Variants in CSMD2 observed in about 807,000 individuals in gnomAD.
CSMD2 encodes the protein CUB and Sushi multiple domains 2.
CSMD2 carries 130 observed loss-of-function variants against 398.5 expected under a neutral mutation model. The observed-to-expected ratio is 0.33, with a 90% CI of 0.28 to 0.38. The LOEUF (loss-of-function observed/expected upper bound fraction) is 0.38. Ranked by LOEUF, CSMD2 falls within the 10% of genes least tolerant of loss-of-function variation. CSMD2 has a pLI of 1.00. For synonymous variants in CSMD2, 1,828 were observed against 1,908.5 expected (o/e 0.96, Z 1.10); for missense variants, 3,829 against 4,764.9 (o/e 0.80, Z 5.78).
intron 65 of CSMD2, among the ~76,000 whole-genome samples, chr1:33,525,708 G>A (rs954484112): frequency 6.6e-6 from 1 of 152,198 alleles, no homozygotes; most frequent in East Asian, 1.9e-4. Flanking sequence ...CGTTGAGATG[G>A]AGTTTTGCTA....
intron 19 of CSMD2, among the ~76,000 whole-genome samples, chr1:33,721,076 G>A (rs1216598250): frequency 6.6e-6 from 1 of 152,116 alleles, no homozygotes; most frequent in Non-Finnish European, 1.5e-5. Flanking sequence ...GAAGTGATCT[G>A]GTCATTCATC....
chr1:33,959,374 C>T (rs773085530), intron 3 of CSMD2, among the ~76,000 whole-genome samples: 4 of 152,124 alleles, frequency 2.6e-5, no homozygotes, highest in Non-Finnish European at 4.4e-5. Context: ...AAGTCAGAAA[C>T]GAGTTTTTGC....
chr1:33,524,423 A>G (rs901198132), intron 66 of CSMD2, among the ~76,000 whole-genome samples: 7 of 152,204 alleles, frequency 4.6e-5, no homozygotes, highest in Non-Finnish European at 7.3e-5. Flanking sequence ...GAATGGTACC[A>G]TTTTAGAATT....
chr1:33,645,342 TATACACAC>T (rs1331675089), intron 29 of CSMD2, among the ~76,000 whole-genome samples: 52 of 104,304 alleles, frequency 5.0e-4, no homozygotes, highest in African/African-American at 1.7e-3. Context: ...TATGGAGCAT[TATACACAC>T]ACACACACAC....
chr1:33,928,600 A>C (rs916652926), intron 4 of CSMD2, among the ~76,000 whole-genome samples: 3 of 152,234 alleles, frequency 2.0e-5, no homozygotes, highest in African/African-American at 7.2e-5. Flanking sequence ...AGTGGGTGTA[A>C]GTGGCAAGGC....
chr1:34,098,007 C>A (rs79074734), intron 1 of CSMD2, among the ~76,000 whole-genome samples: 2 of 109,060 alleles, frequency 1.8e-5, no homozygotes, highest in African/African-American at 3.8e-5. Context: ...AGACTTGGAA[C>A]CAACCCAAAT....
intron 3 of CSMD2, among the ~76,000 whole-genome samples, chr1:33,995,729 C>A (rs1646705668): frequency 6.6e-6 from 1 of 152,212 alleles, no homozygotes; most frequent in South Asian, 2.1e-4. Flanking sequence ...CATATCTCTG[C>A]TCTCTTTTCA....
chr1:34,088,400 T>G (rs1437647797), intron 2 of CSMD2, among the ~76,000 whole-genome samples: 1 of 152,094 alleles, frequency 6.6e-6, no homozygotes, highest in African/African-American at 2.4e-5. Context: ...TCCTCCCATC[T>G]CCCTCCTGTA....
chr1:34,117,213 CTTAG>C lies in CSMD2; in HGVS notation c.188-28024_188-28021del, dbSNP rs201089005. 5.9e-3 allele frequency among the ~76,000 whole-genome samples: 899 copies of C among 151,852 alleles called. 13 individuals carry two copies. Among genetic ancestry groups the C allele is most frequent in the African/African-American group, 0.021 (854 of 41,456 alleles). ...AACAAAATTAAGAGTTGATTTTTTT[CTTAG>C]TTAGACTAGCTTAGAAAAATAGAGA... On this transcript the variant is annotated intron_variant, in intron 1 of 70. Coordinates refer to ENST00000373381, the MANE Select transcript of CSMD2 (RefSeq NM_001281956.2).
At chr1:33,734,406 GA>G (rs1646817174) in intron 15 of CSMD2, among the ~76,000 whole-genome samples, 1 of 152,124 alleles carries the variant, frequency 6.6e-6, no homozygotes, top group Non-Finnish European at 1.5e-5. Flanking sequence ...GCCCAGGCTG[GA>G]GAGCAGTAGT....
chr1:33,717,227 G>A (rs1646203102), intron 19 of CSMD2, among the ~76,000 whole-genome samples: 1 of 152,078 alleles, frequency 6.6e-6, no homozygotes, highest in African/African-American at 2.4e-5. Context: ...TTTTCTGGAG[G>A]CAATGAGAAG....
chr1:33,916,556 C>T (rs1035491203), intron 5 of CSMD2, among the ~76,000 whole-genome samples: 1 of 152,180 alleles, frequency 6.6e-6, no homozygotes, highest in African/African-American at 2.4e-5. Context: ...AGGTTGTCCT[C>T]ACTCACCTGT....
At chr1:33,902,221 A>G (rs4653360) in intron 5 of CSMD2, among the ~76,000 whole-genome samples, 1 of 151,816 alleles carries the variant, frequency 6.6e-6, no homozygotes. Context: ...TATTTTTTTT[A>G]AAAGTTGGGG....
At chr1:33,904,756 T>C (rs2125245242) in intron 5 of CSMD2, among the ~76,000 whole-genome samples, 1 of 152,200 alleles carries the variant, frequency 6.6e-6, no homozygotes, top group South Asian at 2.1e-4. Context: ...ACCTCCTGGG[T>C]TCATGCCATT....
At chr1:34,022,832 G>A (rs1570844989) in intron 3 of CSMD2, among the ~76,000 whole-genome samples, 1 of 152,098 alleles carries the variant, frequency 6.6e-6, no homozygotes. Flanking sequence ...TGTTGTTGTT[G>A]GTTTGGTTTG....
At chr1:33,540,305 C>T (rs1656211654) in intron 60 of CSMD2, among the ~76,000 whole-genome samples, 1 of 151,784 alleles carries the variant, frequency 6.6e-6, no homozygotes, top group Non-Finnish European at 1.5e-5. Context: ...TAATTTCCTT[C>T]TGTTACCATA....
chr1:33,663,320 G>C lies in CSMD2; in HGVS notation c.4053-228C>G, dbSNP rs1355242805. ...AATGGGGACAAGGGTGCGAGGTGTA[G>C]GTTTTGTGCATCCTTTTCTTATTAT... On this transcript the variant is annotated intron_variant, in intron 25 of 70. Transcript: ENST00000373381. Among the ~76,000 whole-genome samples the C allele has an allele frequency of 4.6e-5, 7 of 152,248 alleles. No homozygotes were observed. In the East Asian group the frequency reaches 9.7e-4, roughly 21 times the overall value.
intron 5 of CSMD2, among the ~76,000 whole-genome samples, chr1:33,912,023 G>A (rs1643475037): frequency 6.6e-6 from 1 of 152,126 alleles, no homozygotes; most frequent in Non-Finnish European, 1.5e-5. Context: ...TTCTCGACCT[G>A]TCTCAAGTGC....
In CSMD2 at chr1:34,165,227, G is replaced by A; in HGVS notation, c.-130C>T. Reference sequence around the variant, plus strand: ...CGGGAGCCCTGAGCTTCTGCGGCTGGAATGAACCAAGTGTCCGCCCGGCCG... The same window carrying A: ...CGGGAGCCCTGAGCTTCTGCGGCTGAAATGAACCAAGTGTCCGCCCGGCCG... On this transcript the variant is annotated 5_prime_UTR_variant, in exon 1 of 71. Transcript: ENST00000373381. The A allele has an allele frequency of 6.0e-6, 7 of 1,174,332 alleles. No homozygotes were observed. The highest frequency in any genetic ancestry group is 7.4e-6 in the Non-Finnish European group (7 of 951,340). 72.7% of individuals were successfully genotyped at this position (1,174,332 alleles called of 1,614,324 possible). A position where few individuals can be genotyped will look rare whatever the true frequency, so the allele number is the denominator to read the frequency against.
Sources: allele counts gnomAD v4.1 joint callset (sites outside exome capture counted in the v4.1 genomes callset), GRCh38; gene constraint gnomAD v4.1.1; transcripts MANE v1.5; gene names NCBI Gene and HGNC (gene_info 2026-07-23, HGNC 2026-07-21).